The following MTMR7 variants were observed in gnomAD, a reference collection of about 807,000 sequenced individuals.
The protein encoded by MTMR7 is myotubularin related protein 7.
MTMR7 carries 76 observed loss-of-function variants against 81.2 expected under a neutral mutation model. The observed-to-expected ratio is 0.94, with a 90% confidence interval of 0.78 to 1.13. The LOEUF (loss-of-function observed/expected upper bound fraction) is 1.13. Among genes scored for constraint, MTMR7 ranks in the 50% most tolerant of loss-of-function variants. The pLI, the probability that MTMR7 is intolerant of heterozygous loss-of-function variation, is 0.00. For synonymous variants in MTMR7, 372 were observed against 289.8 expected (o/e 1.28, Z -2.88); for missense variants, 1,044 against 820.0 (o/e 1.27, Z -3.34).
chr8:17,343,926 G>C (rs927613322), intron 5 of MTMR7, among the ~76,000 whole-genome samples: 1 of 152,110 alleles, frequency 6.6e-6, no homozygotes, highest in African/African-American at 2.4e-5. Flanking sequence ...ATTTCTTACT[G>C]ATGTCAGAGC....
chr8:17,394,109 T>C (rs1821181475), intron 1 of MTMR7, among the ~76,000 whole-genome samples: 1 of 152,180 alleles, frequency 6.6e-6, no homozygotes, highest in African/African-American at 2.4e-5. Flanking sequence ...GAATATAAAA[T>C]GCTGCAGCCT....
chr8:17,409,957 G>A (rs371608599), intron 1 of MTMR7, among the ~76,000 whole-genome samples: 3 of 152,172 alleles, frequency 2.0e-5, no homozygotes, highest in Non-Finnish European at 4.4e-5. Flanking sequence ...GTCACAAAAC[G>A]AGGCTGGAGA....
chr8:17,331,916 A>C (rs1225752085), intron 6 of MTMR7, among the ~76,000 whole-genome samples: 1 of 152,164 alleles, frequency 6.6e-6, no homozygotes, highest in Non-Finnish European at 1.5e-5. Flanking sequence ...CACTTTCATT[A>C]TTATAATTTT....
chr8:17,402,177 G>A (rs1242481744), intron 1 of MTMR7, among the ~76,000 whole-genome samples: 1 of 152,088 alleles, frequency 6.6e-6, no homozygotes, highest in African/African-American at 2.4e-5. Context: ...CATGCGTTGT[G>A]TAATAATCAC....
At chr8:17,402,655 T>C (rs1821461566) in intron 1 of MTMR7, among the ~76,000 whole-genome samples, 1 of 152,232 alleles carries the variant, frequency 6.6e-6, no homozygotes, top group East Asian at 1.9e-4. Flanking sequence ...CTTTATACAT[T>C]CGTCTGTTGA....
rs947782027 is a variant in MTMR7, at chr8:17,373,322, C to G, written c.25-82G>C. ...AATAAATGATAACAGGGTAAACTCACACTTACTCCAAAATACAATTTTTTG... is the reference window on the plus strand; with the variant it reads ...AATAAATGATAACAGGGTAAACTCAGACTTACTCCAAAATACAATTTTTTG... On this transcript the variant is annotated intron_variant, in intron 1 of 13. Transcript: ENST00000180173. The G allele has an allele frequency of 2.1e-6, 3 of 1,462,002 alleles. No individual in the cohort carries two copies. In the African/African-American group the frequency reaches 4.3e-5, roughly 21 times the overall value. The allele number at this position is 1,462,002 out of a possible 1,614,324, so 90.6% of individuals were successfully genotyped here. A position where few individuals can be genotyped will look rare whatever the true frequency, so the allele number is the denominator to read the frequency against.
Position 17,348,899 on chromosome 8 carries a change from T to C in MTMR7, c.597+54A>G, listed in dbSNP as rs947435016. ...CAGAAGGCAGCTAGAAAATGCCTGCTTATGATAAACTAGAAAAGCAAAGTG... is the reference window on the plus strand; with the variant it reads ...CAGAAGGCAGCTAGAAAATGCCTGCCTATGATAAACTAGAAAAGCAAAGTG... On this transcript the variant is annotated intron_variant, in intron 5 of 13. Coordinates refer to ENST00000180173, the MANE Select transcript of MTMR7 (RefSeq NM_004686.5). The C allele has an allele frequency of 5.0e-6, 8 of 1,607,684 alleles. No individual in the cohort carries two copies. In the African/African-American group the frequency reaches 9.4e-5, roughly 19 times the overall value.
At chr8:17,323,253 A>G (rs141417288) in intron 7 of MTMR7, among the ~76,000 whole-genome samples, 1 of 151,996 alleles carries the variant, frequency 6.6e-6, no homozygotes, top group South Asian at 2.1e-4. Flanking sequence ...AGCCAACAGA[A>G]TTATCTTGAT....
At chr8:17,301,069 G>T (rs909779739) in intron 13 of MTMR7, among the ~76,000 whole-genome samples, 1 of 152,168 alleles carries the variant, frequency 6.6e-6, no homozygotes, top group Admixed American at 6.5e-5. Flanking sequence ...CAGATTTCAT[G>T]TTTTGATGTT....
At chr8:17,388,902 A>T (rs185038363) in intron 1 of MTMR7, among the ~76,000 whole-genome samples, 1 of 152,224 alleles carries the variant, frequency 6.6e-6, no homozygotes, top group African/African-American at 2.4e-5. Flanking sequence ...GACAGACTGC[A>T]TAATTGGCAC....
chr8:17,306,537 C>T (rs937161184), intron 10 of MTMR7, among the ~76,000 whole-genome samples: 5 of 152,206 alleles, frequency 3.3e-5, no homozygotes, highest in African/African-American at 4.8e-5. Flanking sequence ...TTCAAGAGCA[C>T]ATCAGACTCG....
chr8:17,348,290 C>A (rs779989626), intron 5 of MTMR7, among the ~76,000 whole-genome samples: 17 of 152,070 alleles, frequency 1.1e-4, no homozygotes, highest in Non-Finnish European at 2.1e-4. Flanking sequence ...GTAATCCCAG[C>A]ACTTTGTGAG....
chr8:17,337,834 G>C (rs1259847483), intron 6 of MTMR7, among the ~76,000 whole-genome samples: 1 of 152,148 alleles, frequency 6.6e-6, no homozygotes, highest in Non-Finnish European at 1.5e-5. Flanking sequence ...GCCCAGGCTG[G>C]TGTCTCCCAA....
At chr8:17,355,413 C>G (rs1194132030) in intron 4 of MTMR7, among the ~76,000 whole-genome samples, 1 of 151,972 alleles carries the variant, frequency 6.6e-6, no homozygotes, top group African/African-American at 2.4e-5. Flanking sequence ...CCCAAATAAT[C>G]CATAAATTCA....
intron 4 of MTMR7, among the ~76,000 whole-genome samples, chr8:17,354,691 G>T (rs1280523318): frequency 6.6e-6 from 1 of 152,114 alleles, no homozygotes; most frequent in African/African-American, 2.4e-5. Flanking sequence ...TTTGTGAGAA[G>T]AAATAAGATA....
intron 12 of MTMR7, among the ~76,000 whole-genome samples, chr8:17,304,155 A>C: frequency 6.6e-6 from 1 of 152,236 alleles, no homozygotes; most frequent in East Asian, 1.9e-4. Flanking sequence ...TCATTATTAT[A>C]AAACATCACC....
At chr8:17,313,506 G>T in intron 7 of MTMR7, 105 bp from the exon 8 acceptor site, 1 of 686,464 alleles carries the variant, frequency 1.5e-6, no homozygotes, top group Non-Finnish European at 2.4e-6. Context: ...GTTGTATTAG[G>T]TATTTTCTGG....
At chr8:17,315,037 CT>C (rs10714460) in intron 7 of MTMR7, among the ~76,000 whole-genome samples, 54,628 of 152,122 alleles carry the variant, frequency 0.36, 12,023 homozygotes, top group East Asian at 0.75. Context: ...CCCTGTGGCC[CT>C]TGGGTAGTCA....
intron 1 of MTMR7, among the ~76,000 whole-genome samples, chr8:17,388,541 A>G (rs1195899003): frequency 6.6e-6 from 1 of 152,240 alleles, no homozygotes; most frequent in Non-Finnish European, 1.5e-5. Context: ...TCATTTGATT[A>G]TGATTTTCCT....
Sources: allele counts gnomAD v4.1 joint callset (sites outside exome capture counted in the v4.1 genomes callset), GRCh38; gene constraint gnomAD v4.1.1; transcripts MANE v1.5; gene names NCBI Gene and HGNC (gene_info 2026-07-23, HGNC 2026-07-21).